Variants in CYP3A5 observed in about 807,000 individuals in gnomAD.
CYP3A5 encodes cytochrome P450 family 3 subfamily A member 5, also known as cytochrome P450 3A5.
A neutral mutation model predicts 55.9 loss-of-function variants in CYP3A5; 51 were observed. The observed-to-expected ratio is 0.91, with a 90% CI of 0.73 to 1.15. CYP3A5 has a LOEUF of 1.15. CYP3A5 is among the 50% of genes most tolerant of loss of function. The probability of loss-of-function intolerance (pLI) is 0.00; values close to 1 mark genes in which losing one functional copy is unlikely to be tolerated. For synonymous variants in CYP3A5, 196 were observed against 213.9 expected (o/e 0.92, Z 0.73); for missense variants, 533 against 596.6 (o/e 0.89, Z 1.11).
chr7:99,666,596 C>T lies in CYP3A5; in HGVS notation c.521+5G>A. 1 of 1,613,492 alleles carries T rather than the reference C, an allele frequency of 6.2e-7. No individual in the cohort carries two copies. The highest frequency in any genetic ancestry group is 2.2e-5 in the East Asian group (1 of 44,860). On this transcript the variant is annotated splice_donor_5th_base_variant and intron_variant, in intron 6 of 12. Coordinates refer to ENST00000222982, the MANE Select transcript of CYP3A5 (RefSeq NM_000777.5). ...TCAGAACCCCATGGCTGTGCTCCTACTTACTCTTTCAAGGTGACAGGCTTG... is the reference window on the plus strand; with the variant it reads ...TCAGAACCCCATGGCTGTGCTCCTATTTACTCTTTCAAGGTGACAGGCTTG...
At chr7:99,654,960 T>A (rs1317244331) in intron 10 of CYP3A5, among the ~76,000 whole-genome samples, 1 of 152,206 alleles carries the variant, frequency 6.6e-6, no homozygotes, top group African/African-American at 2.4e-5. Flanking sequence ...TTGAGATCAT[T>A]GTAGATTCTG....
At chr7:99,660,974 G>A (rs1393117769) in intron 9 of CYP3A5, among the ~76,000 whole-genome samples, 1 of 152,154 alleles carries the variant, frequency 6.6e-6, no homozygotes, top group East Asian at 1.9e-4. Flanking sequence ...TTATGGGTGT[G>A]TGCCTTGAAT....
At chr7:99,673,281 G>A (rs1386586536) in intron 3 of CYP3A5, among the ~76,000 whole-genome samples, 1 of 152,126 alleles carries the variant, frequency 6.6e-6, no homozygotes, top group African/African-American at 2.4e-5. Flanking sequence ...AGTACAAAGA[G>A]GCAAAGCTTT....
intron 1 of CYP3A5, 86 bp from the exon 2 acceptor site, chr7:99,676,294 C>A: frequency 1.3e-6 from 2 of 1,596,868 alleles, no homozygotes; most frequent in South Asian, 2.2e-5. Context: ...CTGGAATGGT[C>A]AAGAGAGGGA....
At chr7:99,651,241 C>G (rs567741417) in intron 11 of CYP3A5, among the ~76,000 whole-genome samples, 3 of 152,212 alleles carry the variant, frequency 2.0e-5, no homozygotes, top group Admixed American at 6.5e-5. Flanking sequence ...GTGTATATGT[C>G]AAACATTCTC....
Position 99,648,311 on chromosome 7 carries a change from T to C in CYP3A5, c.1503A>G (p.Gly501=), listed in dbSNP as rs1415604839. The C allele has an allele frequency of 6.2e-7, 1 of 1,612,068 alleles. No individual in the cohort carries two copies. Among genetic ancestry groups the C allele is most frequent in the Non-Finnish European group, 8.5e-7 (1 of 1,178,888 alleles). ...TAGAAATCCTTAGAATAACTCATTC[T>C]CCACTTAGGGTTCCATCTCTTGAAT... ...KVDSRDGTLS[G]E The change falls in exon 13 of 13, where the codon GGA becomes GGG. Residue 501 remains glycine (G), a synonymous_variant. Transcript: ENST00000222982.
At chr7:99,679,658 A>G (rs1243603115) in intron 1 of CYP3A5, among the ~76,000 whole-genome samples, 168 bp downstream of exon 1, 1 of 152,238 alleles carries the variant, frequency 6.6e-6, no homozygotes, top group Admixed American at 6.5e-5. Flanking sequence ...TTATTCATTC[A>G]TAGATCTGCA....
At position 99,660,568 on chromosome 7, in the gene CYP3A5, A is replaced by G; in HGVS notation, c.957T>C (p.Tyr319=). Residue 319 remains tyrosine, a synonymous_variant, in exon 10 of 13, where the codon TAT becomes TAC. Transcript: ENST00000222982. ...GGACATCAGGGTGAGTGGCCAGTTC[A>G]TATAAAGTGAAGGAAAGAACACTGC... ...TTSSVLSFTL[Y]ELATHPDVQQ... The G allele has an allele frequency of 2.5e-6, 4 of 1,614,030 alleles. No individual in the cohort carries two copies. Among genetic ancestry groups the G allele is most frequent in the Non-Finnish European group, 3.4e-6 (4 of 1,179,982 alleles).
chr7:99,678,105 A>T (rs1365216099), intron 1 of CYP3A5, among the ~76,000 whole-genome samples: 2 of 151,910 alleles, frequency 1.3e-5, no homozygotes, highest in African/African-American at 4.8e-5. Context: ...GCATTTTCTG[A>T]CTCCTGGGCT....
intron 10 of CYP3A5, among the ~76,000 whole-genome samples, chr7:99,656,564 A>C (rs1166208412): frequency 2.0e-5 from 3 of 152,156 alleles, no homozygotes; most frequent in Non-Finnish European, 4.4e-5. Context: ...TGTCTCTGCC[A>C]GGCTTTGGTA....
intron 4 of CYP3A5, chr7:99,670,920 T>C (rs1811545492): frequency 6.6e-6 from 1 of 152,208 alleles, no homozygotes; most frequent in Admixed American, 6.5e-5. Flanking sequence ...TTTTCTTTTA[T>C]AATAAAAAAT....
intron 9 of CYP3A5, among the ~76,000 whole-genome samples, 175 bp from the exon 10 acceptor site, chr7:99,660,834 G>A (rs536348706): frequency 3.0e-4 from 46 of 152,238 alleles, no homozygotes; most frequent in Non-Finnish European, 2.4e-4. Context: ...CCAGGATGAC[G>A]CAAAATCATT....
intron 10 of CYP3A5, among the ~76,000 whole-genome samples, chr7:99,657,086 G>A (rs1392419226): frequency 3.3e-5 from 5 of 152,022 alleles, no homozygotes; most frequent in African/African-American, 4.8e-5. Flanking sequence ...GTTTCCTTCA[G>A]TTCTGCTCTG....
intron 5 of CYP3A5, 83 bp downstream of exon 5, chr7:99,666,869 G>A: frequency 1.3e-6 from 2 of 1,592,208 alleles, no homozygotes; most frequent in Non-Finnish European, 1.7e-6. Context: ...ACTACCCCTT[G>A]GAAACGGACT....
At chr7:99,651,768 T>A (rs889754165) in intron 11 of CYP3A5, among the ~76,000 whole-genome samples, 3 of 152,230 alleles carry the variant, frequency 2.0e-5, no homozygotes, top group Non-Finnish European at 4.4e-5. Context: ...GAACTGTGCC[T>A]AAGGCCTGAC....
intron 10 of CYP3A5, among the ~76,000 whole-genome samples, chr7:99,657,388 C>T (rs1044567155): frequency 4.9e-4 from 74 of 152,210 alleles, no homozygotes; most frequent in African/African-American, 1.7e-3. Context: ...TGTAGTTGAG[C>T]GGTTTTGAGT....
At position 99,648,408 on chromosome 7, in the gene CYP3A5, A is replaced by T. The variant is rs750111243; in HGVS notation, c.1414-8T>A. ...GTCTAATTTCAAGGGGATCTACAAT[A>T]GTTAAACAAGCATATGGAGAATTAA... On this transcript the variant is annotated splice_polypyrimidine_tract_variant and splice_region_variant and intron_variant, in intron 12 of 12. Transcript: ENST00000222982. The T allele has an allele frequency of 6.3e-7, 1 of 1,591,178 alleles. No individual in the cohort carries two copies. Among genetic ancestry groups the T allele is most frequent in the Non-Finnish European group, 8.6e-7 (1 of 1,164,450 alleles).
chr7:99,674,246 A>G (rs1811995539), intron 3 of CYP3A5: 1 of 282,346 alleles, frequency 3.5e-6, no homozygotes, highest in Non-Finnish European at 6.5e-6. Context: ...TTTGTAGCTA[A>G]CAATAATTAT....
chr7:99,660,500 T>A lies in CYP3A5; in HGVS notation c.1025A>T (p.Lys342Met). 6.2e-7 allele frequency: 1 copy of A among 1,610,092 alleles called. No individual in the cohort carries two copies. Among genetic ancestry groups the A allele is most frequent in the Non-Finnish European group, 8.5e-7 (1 of 1,178,038 alleles). Reference sequence around the variant, plus strand: ...CATCTCCAGGGGTCATCCCCTCACCTTATTGGGCAAAACTGCATCAATCTC... The same window carrying A: ...CATCTCCAGGGGTCATCCCCTCACCATATTGGGCAAAACTGCATCAATCTC... ...QKEIDAVLPN[K>M]APPTYDAVVQ... The change falls in exon 10 of 13, where the codon AAG becomes ATG. Residue 342 changes from lysine (K) to methionine (M), a missense_variant and splice_region_variant. Lys to Met is a moderately conservative substitution (Grantham distance 95). Coordinates refer to ENST00000222982, the MANE Select transcript of CYP3A5 (RefSeq NM_000777.5).
Sources: allele counts gnomAD v4.1 joint callset (sites outside exome capture counted in the v4.1 genomes callset), GRCh38; gene constraint gnomAD v4.1.1; transcripts MANE v1.5; gene names NCBI Gene and HGNC (gene_info 2026-07-23, HGNC 2026-07-21).